The following FRMD4A variants were observed in gnomAD, a reference collection of about 807,000 sequenced individuals.
The protein encoded by FRMD4A is FERM domain-containing protein 4A.
Under a neutral mutation model 129.1 loss-of-function variants are expected in FRMD4A, and 29 were observed. The ratio of observed to expected loss-of-function variants is 0.22; its 90% CI spans 0.17 to 0.31. The LOEUF is 0.31. Among genes scored for constraint, FRMD4A ranks in the 10% least tolerant of loss-of-function variants. The pLI is 1.00. For missense variants in FRMD4A, 1,272 were observed against 1,375.8 expected, an observed-to-expected ratio of 0.92 and a Z score of 1.19; for synonymous variants, 634 against 571.6, an observed-to-expected ratio of 1.11 and a Z score of -1.56.
chr10:13,802,856 T>C (rs1466254024), intron 4 of FRMD4A, among the ~76,000 whole-genome samples: 1 of 152,122 alleles, frequency 6.6e-6, no homozygotes, highest in African/African-American at 2.4e-5. Flanking sequence ...ATATATTTAG[T>C]ATCCTTGTCT....
At chr10:14,301,800 C>T (rs745569196) in intron 2 of FRMD4A, among the ~76,000 whole-genome samples, 1 of 152,106 alleles carries the variant, frequency 6.6e-6, no homozygotes, top group East Asian at 1.9e-4. Flanking sequence ...AAATTTGACA[C>T]TGCAATTCAA....
chr10:14,261,397 T>A (rs998045142), intron 2 of FRMD4A, among the ~76,000 whole-genome samples: 9 of 152,236 alleles, frequency 5.9e-5, no homozygotes, highest in African/African-American at 2.2e-4. Flanking sequence ...GTAACTAATC[T>A]GACTGCTGTT....
intron 2 of FRMD4A, among the ~76,000 whole-genome samples, chr10:14,215,146 C>A (rs753029470): frequency 6.6e-6 from 1 of 152,108 alleles, no homozygotes; most frequent in Non-Finnish European, 1.5e-5. Context: ...ACTAGAGAAG[C>A]CATTGTCTAC....
At chr10:14,096,172 C>T (rs551507657) in intron 2 of FRMD4A, among the ~76,000 whole-genome samples, 7 of 152,210 alleles carry the variant, frequency 4.6e-5, no homozygotes, top group South Asian at 2.1e-4. Context: ...GGAATCTTCA[C>T]GAATGGGATT....
chr10:14,230,265 A>AGTT (rs1843592914), intron 2 of FRMD4A, among the ~76,000 whole-genome samples: 1 of 152,144 alleles, frequency 6.6e-6, no homozygotes. Context: ...CCATTTTGCC[A>AGTT]GTTGTTGTTG....
chr10:14,090,472 G>A (rs1836597113), intron 2 of FRMD4A, among the ~76,000 whole-genome samples: 2 of 152,208 alleles, frequency 1.3e-5, no homozygotes, highest in Middle Eastern at 3.2e-3. Flanking sequence ...GGGCATCATG[G>A]AAACAGCACT....
chr10:14,323,176 C>T (rs1311545905), intron 2 of FRMD4A, among the ~76,000 whole-genome samples: 1 of 152,190 alleles, frequency 6.6e-6, no homozygotes, highest in African/African-American at 2.4e-5. Flanking sequence ...AAAGACAGAA[C>T]TGGGCAACTT....
At chr10:13,858,997 G>C (rs1403895127) in intron 2 of FRMD4A, 85 bp from the exon 3 acceptor site, 1 of 829,710 alleles carries the variant, frequency 1.2e-6, no homozygotes, top group Non-Finnish European at 2.1e-6. Context: ...ACTCTGCCAG[G>C]CATATTCCTC....
intron 2 of FRMD4A, among the ~76,000 whole-genome samples, chr10:14,190,015 G>C (rs997726935): frequency 1.3e-5 from 2 of 152,134 alleles, no homozygotes; most frequent in African/African-American, 4.8e-5. Flanking sequence ...ATAAGCCTAA[G>C]GCAGTAAATC....
At chr10:13,741,925 T>C (rs1000273995) in intron 9 of FRMD4A, among the ~76,000 whole-genome samples, 3 of 152,248 alleles carry the variant, frequency 2.0e-5, no homozygotes, top group African/African-American at 7.2e-5. Context: ...GGAGCGATCT[T>C]GGCTCACCGC....
chr10:14,027,109 T>C (rs1325189845), intron 2 of FRMD4A, among the ~76,000 whole-genome samples: 2 of 152,248 alleles, frequency 1.3e-5, no homozygotes, highest in African/African-American at 4.8e-5. Context: ...CAAGTCCTCT[T>C]AGCCCCTTTC....
At chr10:14,322,381 G>A (rs1363807182) in intron 2 of FRMD4A, among the ~76,000 whole-genome samples, 2 of 152,168 alleles carry the variant, frequency 1.3e-5, no homozygotes, top group African/African-American at 4.8e-5. Flanking sequence ...CATTTGAGCT[G>A]GGCTGAGGTG....
intron 2 of FRMD4A, among the ~76,000 whole-genome samples, chr10:14,282,433 G>A (rs931985761): frequency 2.6e-5 from 4 of 152,074 alleles, no homozygotes; most frequent in Non-Finnish European, 5.9e-5. Context: ...TAGTCTCCAG[G>A]CAAGTGCTCT....
At chr10:14,107,103 A>C (rs534133678) in intron 2 of FRMD4A, among the ~76,000 whole-genome samples, 1 of 152,342 alleles carries the variant, frequency 6.6e-6, no homozygotes, top group East Asian at 1.9e-4. Flanking sequence ...GCAGGAACAG[A>C]AAACCAAATA....
At chr10:14,191,604 T>A (rs1842318623) in intron 2 of FRMD4A, among the ~76,000 whole-genome samples, 1 of 152,236 alleles carries the variant, frequency 6.6e-6, no homozygotes, top group Non-Finnish European at 1.5e-5. Context: ...CTATGGAGAC[T>A]TAAGAACCAT....
chr10:13,657,372 G>A lies in FRMD4A; in HGVS notation c.2217C>T (p.Asn739=), dbSNP rs2134653057. ...AGCAGTCGTCCATGGGGTCTGAGCC[G>A]TTGCTGCTACGAGTCCGCGGGGTGT... ...DFYTPRTRSS[N]GSDPMDDCSS... Residue 739 remains asparagine, a synonymous_variant, in exon 22 of 25, where the codon AAC becomes AAT. Transcript: ENST00000357447. The A allele has an allele frequency of 6.2e-6, 10 of 1,612,144 alleles. No homozygotes were observed. Among genetic ancestry groups the A allele is most frequent in the Non-Finnish European group, 8.5e-6 (10 of 1,179,776 alleles).
chr10:13,874,712 T>C (rs556340444), intron 2 of FRMD4A, among the ~76,000 whole-genome samples: 1 of 152,232 alleles, frequency 6.6e-6, no homozygotes, highest in Non-Finnish European at 1.5e-5. Flanking sequence ...TTGGACTCTG[T>C]CATTTCTCTT....
At chr10:14,263,628 A>G (rs1844879824) in intron 2 of FRMD4A, among the ~76,000 whole-genome samples, 1 of 152,140 alleles carries the variant, frequency 6.6e-6, no homozygotes, top group Non-Finnish European at 1.5e-5. Context: ...TGGGACTGTA[A>G]TAGAGGTGAA....
At position 13,741,304 on chromosome 10, in the gene FRMD4A, A is replaced by T. The variant is rs144446152; in HGVS notation, c.549-727T>A. ...GTCTCTATACAAAAATACAAAAATT[A>T]GCCAGGCATGGTGGGGTATGCCTGC... On this transcript the variant is annotated intron_variant, in intron 9 of 24. Transcript: ENST00000357447. 9.9e-4 allele frequency among the ~76,000 whole-genome samples: 150 copies of T among 151,978 alleles called. 1 individual carries two copies. The highest frequency in any genetic ancestry group is 3.6e-3 in the African/African-American group (148 of 41,458).
Sources: allele counts gnomAD v4.1 joint callset (sites outside exome capture counted in the v4.1 genomes callset), GRCh38; gene constraint gnomAD v4.1.1; transcripts MANE v1.5; gene names NCBI Gene and HGNC (gene_info 2026-07-23, HGNC 2026-07-21).